RELN: variants seen among roughly 807,000 people sequenced by gnomAD.
RELN encodes the protein reelin.
RELN carries 108 observed loss-of-function variants against 427.6 expected under a neutral mutation model. The observed-to-expected ratio is 0.25, with a 90% CI of 0.22 to 0.30. RELN has a LOEUF of 0.30. Among genes scored for constraint, RELN ranks in the 10% least tolerant of loss-of-function variants. RELN has a pLI of 1.00. For missense variants in RELN, 3,715 were observed against 4,302.8 expected, an observed-to-expected ratio of 0.86 and a Z score of 3.82; for synonymous variants, 1,524 against 1,513.4, an observed-to-expected ratio of 1.01 and a Z score of -0.16.
chr7:103,770,759 C>A (rs1339924166), intron 4 of RELN, among the ~76,000 whole-genome samples: 1 of 151,494 alleles, frequency 6.6e-6, no homozygotes, highest in Admixed American at 6.6e-5. Flanking sequence ...TTTAAACTGC[C>A]CAGGATTTAT....
chr7:103,674,297 T>C (rs1833462347), intron 11 of RELN, among the ~76,000 whole-genome samples: 1 of 152,214 alleles, frequency 6.6e-6, no homozygotes, highest in Non-Finnish European at 1.5e-5. Context: ...GCCCTTATCC[T>C]GTTGAGGATA....
At chr7:103,771,035 C>T (rs957858368) in intron 4 of RELN, among the ~76,000 whole-genome samples, 4 of 151,122 alleles carry the variant, frequency 2.6e-5, no homozygotes, top group African/African-American at 9.7e-5. Context: ...TTGTACTCGG[C>T]TTCTGGAGTA....
At chr7:103,745,285 T>G (rs1443663755) in intron 6 of RELN, among the ~76,000 whole-genome samples, 1 of 152,030 alleles carries the variant, frequency 6.6e-6, no homozygotes, top group Non-Finnish European at 1.5e-5. Flanking sequence ...AAGAGCTATC[T>G]ATGACAAACC....
At chr7:103,886,494 T>A (rs1342689666) in intron 2 of RELN, among the ~76,000 whole-genome samples, 1 of 152,180 alleles carries the variant, frequency 6.6e-6, no homozygotes, top group East Asian at 1.9e-4. Context: ...AATCAAGGGA[T>A]TATCTTTCAT....
chr7:103,498,830 G>C (rs78062289), intron 53 of RELN, among the ~76,000 whole-genome samples: 1 of 136,748 alleles, frequency 7.3e-6, no homozygotes, highest in South Asian at 2.3e-4. Flanking sequence ...AAGTTAGTTA[G>C]TTATTTAAGC....
intron 28 of RELN, among the ~76,000 whole-genome samples, chr7:103,577,597 G>C (rs532773032): frequency 6.7e-6 from 1 of 150,162 alleles, no homozygotes; most frequent in South Asian, 2.1e-4. Context: ...TTAGTGTCAC[G>C]GACCTTGGGA....
chr7:103,764,094 A>C (rs1791368737), intron 4 of RELN, among the ~76,000 whole-genome samples: 1 of 152,080 alleles, frequency 6.6e-6, no homozygotes. Context: ...CAGATTTGGG[A>C]CGGACTAAAG....
intron 2 of RELN, among the ~76,000 whole-genome samples, chr7:103,887,352 C>T (rs142202417): frequency 5.9e-5 from 9 of 152,222 alleles, no homozygotes; most frequent in African/African-American, 1.7e-4. Context: ...AGCCATTGCA[C>T]GTCAAAGGAT....
At chr7:103,917,256 G>A (rs1795505433) in intron 1 of RELN, 71 bp from the exon 2 acceptor site, 1 of 1,188,504 alleles carries the variant, frequency 8.4e-7, no homozygotes, top group African/African-American at 1.5e-5. Flanking sequence ...TGAAGTGTTA[G>A]ACATTGTCAA....
At chr7:103,815,563 C>T (rs1039520268) in intron 3 of RELN, among the ~76,000 whole-genome samples, 14 of 152,176 alleles carry the variant, frequency 9.2e-5, no homozygotes, top group African/African-American at 3.1e-4. Context: ...AAATACTGGA[C>T]ATTTTGACAA....
intron 1 of RELN, among the ~76,000 whole-genome samples, chr7:103,955,671 T>C (rs1796418368): frequency 6.6e-6 from 1 of 152,188 alleles, no homozygotes; most frequent in African/African-American, 2.4e-5. Context: ...TGACAGTGAG[T>C]TGGGCACTGT....
intron 2 of RELN, among the ~76,000 whole-genome samples, chr7:103,863,350 C>T (rs1003125903): frequency 6.6e-6 from 1 of 152,156 alleles, no homozygotes; most frequent in South Asian, 2.1e-4. Flanking sequence ...AGCATCTGAC[C>T]TAATCTCCAC....
chr7:103,982,862 C>T (rs66718115), intron 1 of RELN, among the ~76,000 whole-genome samples: 24,903 of 152,138 alleles, frequency 0.16, 2,106 homozygotes, highest in Middle Eastern at 0.29. Context: ...GGTCTCACTT[C>T]GTTGCTCAGG....
intron 6 of RELN, among the ~76,000 whole-genome samples, chr7:103,732,080 C>G (rs1337591579): frequency 1.3e-5 from 2 of 152,116 alleles, no homozygotes; most frequent in African/African-American, 4.8e-5. Context: ...GGCTTGGAAA[C>G]TGCCTGCTTT....
intron 64 of RELN, 38 bp downstream of exon 64, chr7:103,478,351 T>C (rs931738462): frequency 2.7e-6 from 2 of 753,424 alleles, no homozygotes; most frequent in Admixed American, 1.7e-5. Flanking sequence ...ATGAAACTAT[T>C]AGTAAACAGT....
chr7:103,889,540 C>T (rs1400012827), intron 2 of RELN, among the ~76,000 whole-genome samples: 4 of 152,180 alleles, frequency 2.6e-5, no homozygotes, highest in Non-Finnish European at 4.4e-5. Flanking sequence ...AATCTTTTTA[C>T]TTTTCAGTCA....
rs752398382 is a variant in RELN, at chr7:103,667,049, T to G, written c.1290-5522A>C. Among the ~76,000 whole-genome samples, 36 of 152,224 alleles carry G rather than the reference T, an allele frequency of 2.4e-4. 1 individual carries two copies. Among genetic ancestry groups the G allele is most frequent in the Non-Finnish European group, 4.9e-4 (33 of 68,038 alleles). Reference sequence around the variant, plus strand: ...ATTACTCAGGTTTTTAATTTCCCTTTGTTTTAGGTATCTGCTCATTTCCTC... The same window carrying G: ...ATTACTCAGGTTTTTAATTTCCCTTGGTTTTAGGTATCTGCTCATTTCCTC... On this transcript the variant is annotated intron_variant, in intron 11 of 64. Transcript: ENST00000428762.
intron 41 of RELN, among the ~76,000 whole-genome samples, chr7:103,546,905 TCTTAA>T (rs1462289835): frequency 6.6e-6 from 1 of 152,238 alleles, no homozygotes; most frequent in Admixed American, 6.5e-5. Context: ...TTCTCTTATT[TCTTAA>T]CTTCTTTTTA....
intron 4 of RELN, among the ~76,000 whole-genome samples, chr7:103,760,489 A>G (rs926350521): frequency 6.6e-6 from 1 of 152,188 alleles, no homozygotes; most frequent in Non-Finnish European, 1.5e-5. Context: ...TAGCAGCACT[A>G]ATACACTTCA....
Sources: allele counts gnomAD v4.1 joint callset (sites outside exome capture counted in the v4.1 genomes callset), GRCh38; gene constraint gnomAD v4.1.1; transcripts MANE v1.5; gene names NCBI Gene and HGNC (gene_info 2026-07-23, HGNC 2026-07-21).